Variants in LAPTM4A observed in about 807,000 individuals in gnomAD.
The protein encoded by LAPTM4A is lysosomal protein transmembrane 4 alpha.
Under a neutral mutation model 29.9 loss-of-function variants are expected in LAPTM4A, and 19 were observed. The ratio of observed to expected loss-of-function variants is 0.64; its 90% CI spans 0.44 to 0.93. LAPTM4A has a LOEUF of 0.93. Ranked by LOEUF, LAPTM4A falls within the 40% of genes least tolerant of loss-of-function variation. The pLI is 0.00. For synonymous variants in LAPTM4A, 105 were observed against 102.1 expected (o/e 1.03, Z -0.17); for missense variants, 293 against 288.5 (o/e 1.02, Z -0.11).
At chr2:20,037,672 C>T (rs563221621) in intron 2 of LAPTM4A, 58 bp from the exon 3 acceptor site, 1 of 1,132,168 alleles carries the variant, frequency 8.8e-7, no homozygotes, top group South Asian at 1.5e-5. Flanking sequence ...AAGAACAAAA[C>T]TTCACTTAAA....
chr2:20,041,058 G>A (rs539922708), intron 1 of LAPTM4A, 47 bp from the exon 2 acceptor site: 16 of 1,586,306 alleles, frequency 1.0e-5, no homozygotes, highest in Non-Finnish European at 1.3e-5. Context: ...CCATCACGAC[G>A]CAATCTTAGC....
At chr2:20,046,581 C>T (rs995453552) in intron 1 of LAPTM4A, among the ~76,000 whole-genome samples, 1 of 151,078 alleles carries the variant, frequency 6.6e-6, no homozygotes, top group African/African-American at 2.4e-5. Context: ...TCTGCCTCCC[C>T]GGCTCAAGTG....
chr2:20,041,292 T>C (rs1213899518), intron 1 of LAPTM4A, among the ~76,000 whole-genome samples: 1 of 152,202 alleles, frequency 6.6e-6, no homozygotes, highest in Non-Finnish European at 1.5e-5. Context: ...TCATTACAAA[T>C]GGTTCATGTT....
intron 1 of LAPTM4A, among the ~76,000 whole-genome samples, chr2:20,050,884 A>AAAC (rs1279904384): frequency 1.3e-5 from 2 of 152,240 alleles, no homozygotes; most frequent in African/African-American, 4.8e-5. Context: ...GCATGAAACA[A>AAAC]AACAAAGTCC....
intron 1 of LAPTM4A, among the ~76,000 whole-genome samples, chr2:20,045,465 T>TAAA (rs397955198): frequency 1.4e-5 from 2 of 139,914 alleles, no homozygotes; most frequent in African/African-American, 2.6e-5. Flanking sequence ...CCCATCTCTT[T>TAAA]AAAAAAAAAA....
intron 1 of LAPTM4A, among the ~76,000 whole-genome samples, chr2:20,041,446 C>T (rs551512490): frequency 2.0e-5 from 3 of 152,312 alleles, no homozygotes; most frequent in East Asian, 3.9e-4. Context: ...ACTATTTCCT[C>T]TAGAGCTAGA....
chr2:20,040,060 G>C (rs1673762740), intron 2 of LAPTM4A, among the ~76,000 whole-genome samples: 1 of 151,888 alleles, frequency 6.6e-6, no homozygotes, highest in Non-Finnish European at 1.5e-5. Context: ...AAAAAAGAAA[G>C]GCATTTATCC....
intron 1 of LAPTM4A, among the ~76,000 whole-genome samples, chr2:20,049,299 A>G (rs1419900226): frequency 6.6e-6 from 1 of 152,238 alleles, no homozygotes; most frequent in Non-Finnish European, 1.5e-5. Context: ...TCAATTTAAG[A>G]CAGGTCAAAC....
At chr2:20,035,992 T>C (rs1673668543) in intron 4 of LAPTM4A, among the ~76,000 whole-genome samples, 1 of 152,182 alleles carries the variant, frequency 6.6e-6, no homozygotes, top group African/African-American at 2.4e-5. Context: ...CCAGCCAGGT[T>C]GTCTCCTTGG....
chr2:20,046,770 T>TAA (rs1449157220), intron 1 of LAPTM4A, among the ~76,000 whole-genome samples: 1 of 145,516 alleles, frequency 6.9e-6, no homozygotes, highest in African/African-American at 2.5e-5. Flanking sequence ...ATATATAATA[T>TAA]AATATATAAA....
rs566407061 is a variant in LAPTM4A, at chr2:20,049,088, T to C, written c.111+2322A>G. ...TCCTCCTCCTCATCACTGTACCATA[T>C]GTTTTTCATATCTGTGCTCCAAGTT... On this transcript the variant is annotated intron_variant, in intron 1 of 6. Coordinates refer to ENST00000175091, the MANE Select transcript of LAPTM4A (RefSeq NM_014713.5). 2.0e-4 allele frequency among the ~76,000 whole-genome samples: 30 copies of C among 152,368 alleles called. No individual in the cohort carries two copies. The East Asian group carries it at 4.8e-3, about 24-fold the overall frequency.
chr2:20,043,579 A>G (rs1476242484), intron 1 of LAPTM4A, among the ~76,000 whole-genome samples: 1 of 152,212 alleles, frequency 6.6e-6, no homozygotes, highest in Non-Finnish European at 1.5e-5. Context: ...TGAATGATAA[A>G]CACACAGGAA....
chr2:20,038,521 G>C (rs1369126648), intron 2 of LAPTM4A, among the ~76,000 whole-genome samples: 1 of 152,066 alleles, frequency 6.6e-6, no homozygotes, highest in Non-Finnish European at 1.5e-5. Flanking sequence ...AACCTCCCAG[G>C]TTCATGTGAT....
In LAPTM4A at chr2:20,035,059, C is replaced by G; in HGVS notation, c.436G>C (p.Asp146His). The G allele has an allele frequency of 6.2e-7, 1 of 1,607,906 alleles. No individual in the cohort carries two copies. The highest frequency in any genetic ancestry group is 1.1e-5 in the South Asian group (1 of 90,606). The change falls in exon 5 of 7, where the codon GAT (aspartate) becomes CAT (histidine). Residue 146 changes from aspartate (D) to histidine (H), a missense_variant. By Grantham distance (81) the Asp-to-His change is moderately conservative (BLOSUM62 -1). Coordinates refer to ENST00000175091, the MANE Select transcript of LAPTM4A (RefSeq NM_014713.5). ...AGGAGGTCATCTTTGTAGGGAAAAT[C>G]AGGCTATTAAAGAAACACACACACA... Reference protein sequence around the residue: ...RIKEYLDQLPDFPYKDDLLAL... With the variant: ...RIKEYLDQLPHFPYKDDLLAL...
rs1673947763 is a variant in LAPTM4A at position 20,047,312 on chromosome 2, T to TGGGAGGCGGAGGTTGCA, written c.111+4081_111+4097dup. Among the ~76,000 whole-genome samples the TGGGAGGCGGAGGTTGCA allele has an allele frequency of 2.2e-5, 3 of 136,450 alleles. 1 individual carries two copies. In the Admixed American group the frequency reaches 2.2e-4, roughly 10 times the overall value. 89.5% of individuals were successfully genotyped at this position (136,450 alleles called of 152,430 possible). On this transcript the variant is annotated intron_variant, in intron 1 of 6. Transcript: ENST00000175091. Reference sequence around the variant, plus strand: ...CTGGGGCAGAGGAATCGCTTGAACCTGGGAGGCGGAGGTTGCAGTGAGCCG... The same window carrying TGGGAGGCGGAGGTTGCA: ...CTGGGGCAGAGGAATCGCTTGAACCTGGGAGGCGGAGGTTGCAGGGAGGCGGAGGTTGCAGTGAGCCG...
At chr2:20,044,276 T>C (rs936337237) in intron 1 of LAPTM4A, among the ~76,000 whole-genome samples, 1 of 152,234 alleles carries the variant, frequency 6.6e-6, no homozygotes, top group Admixed American at 6.5e-5. Flanking sequence ...AAACGTTATA[T>C]GTTCTGTGTA....
intron 5 of LAPTM4A, 123 bp downstream of exon 5, chr2:20,034,844 C>T: frequency 1.4e-6 from 1 of 699,950 alleles, no homozygotes; most frequent in Non-Finnish European, 2.5e-6. Flanking sequence ...GCTCATGTGC[C>T]AGAATAAACA....
At chr2:20,036,319 T>C (rs560217332) in intron 4 of LAPTM4A, among the ~76,000 whole-genome samples, 1 of 152,336 alleles carries the variant, frequency 6.6e-6, no homozygotes, top group East Asian at 1.9e-4. Context: ...ATCTGGAACA[T>C]TGTCTTCTAT....
At chr2:20,047,836 G>T (rs1358883854) in intron 1 of LAPTM4A, among the ~76,000 whole-genome samples, 1 of 152,142 alleles carries the variant, frequency 6.6e-6, no homozygotes, top group Non-Finnish European at 1.5e-5. Flanking sequence ...CACTACTTTT[G>T]TATGTATGAA....
Sources: gnomAD v4.1 joint callset for allele counts (sites outside exome capture counted in the v4.1 genomes callset) on GRCh38, gnomAD v4.1.1 for gene constraint, MANE v1.5 for transcripts, NCBI Gene and HGNC (gene_info 2026-07-23, HGNC 2026-07-21) for gene names.